The following GLRB variants were observed in gnomAD, a reference collection of about 807,000 sequenced individuals.
GLRB encodes glycine receptor subunit beta.
Under a neutral mutation model 54.2 loss-of-function variants are expected in GLRB, and 33 were observed. The ratio of observed to expected loss-of-function variants is 0.61; its 90% CI spans 0.46 to 0.81. The LOEUF (loss-of-function observed/expected upper bound fraction) is 0.81, where lower values mean the gene tolerates loss of function less well. GLRB is among the 40% of genes least tolerant of loss of function. The probability of loss-of-function intolerance (pLI) is 0.00; values close to 1 mark genes in which losing one functional copy is unlikely to be tolerated. For missense variants in GLRB, 572 were observed against 584.6 expected (o/e 0.98, Z 0.22); for synonymous variants, 209 against 208.2 (o/e 1.00, Z -0.03).
intron 2 of GLRB, chr4:157,084,790 G>A (rs1367251577): frequency 4.6e-6 from 2 of 431,092 alleles, no homozygotes; most frequent in South Asian, 3.3e-5. Context: ...TATTATATTA[G>A]CCATCTTCCT....
intron 2 of GLRB, among the ~76,000 whole-genome samples, chr4:157,091,208 A>G (rs1381574592): frequency 6.6e-6 from 1 of 152,184 alleles, no homozygotes; most frequent in Non-Finnish European, 1.5e-5. Flanking sequence ...GTGCAGCACA[A>G]TGATTTATGG....
intron 2 of GLRB, among the ~76,000 whole-genome samples, chr4:157,096,516 G>C (rs1003040495): frequency 6.6e-6 from 1 of 152,120 alleles, no homozygotes; most frequent in Admixed American, 6.6e-5. Flanking sequence ...TCCAAACAAT[G>C]GTCAAGAGGG....
At chr4:157,130,618 T>C (rs1736180012) in intron 4 of GLRB, among the ~76,000 whole-genome samples, 1 of 151,660 alleles carries the variant, frequency 6.6e-6, no homozygotes, top group Non-Finnish European at 1.5e-5. Context: ...TGTGTGAATG[T>C]ACCTACCAAA....
At chr4:157,170,410 T>C in intron 9 of GLRB, 22 bp from the exon 10 acceptor site, 1 of 1,452,594 alleles carries the variant, frequency 6.9e-7, no homozygotes, top group Non-Finnish European at 9.7e-7. Context: ...TTAAATACAT[T>C]GTCTTCAATA....
intron 4 of GLRB, among the ~76,000 whole-genome samples, chr4:157,122,839 A>G (rs2126535851): frequency 6.6e-6 from 1 of 151,834 alleles, no homozygotes; most frequent in South Asian, 2.1e-4. Context: ...AGAGCAGGGA[A>G]TTGTAAGAAG....
intron 2 of GLRB, among the ~76,000 whole-genome samples, chr4:157,101,894 A>G (rs1348954465): frequency 6.6e-6 from 1 of 151,378 alleles, no homozygotes; most frequent in Non-Finnish European, 1.5e-5. Flanking sequence ...AAGTTGAAAT[A>G]TTTAGAACTA....
intron 2 of GLRB, among the ~76,000 whole-genome samples, chr4:157,093,535 T>A (rs1734692607): frequency 1.3e-5 from 2 of 151,868 alleles, no homozygotes; most frequent in Non-Finnish European, 2.9e-5. Context: ...GATCAAGAGA[T>A]CACGAGGTCA....
In GLRB at chr4:157,170,519, G is replaced by T. The variant is rs1302907815; in HGVS notation, c.1285G>T (p.Asp429Tyr). 6 of 1,611,104 alleles carry T rather than the reference G, an allele frequency of 3.7e-6. No individual in the cohort carries two copies. Among genetic ancestry groups the T allele is most frequent in the Non-Finnish European group, 4.2e-6 (5 of 1,177,446 alleles). The change falls in exon 10 of 10, where the codon GAT (aspartate) becomes TAT (tyrosine). Residue 429 changes from aspartate (D) to tyrosine (Y), a missense_variant. Transcript: ENST00000264428. Reference sequence around the variant, plus strand: ...CAGCATTGTTGGAAGCTTACCAAGAGATTTTGAACTATCCAATTATGACTG... The same window carrying T: ...CAGCATTGTTGGAAGCTTACCAAGATATTTTGAACTATCCAATTATGACTG... The part of the protein sequence containing the change: ...DFSIVGSLPR[D>Y]FELSNYDCYG...
At chr4:157,148,992 T>A (rs1341034122) in intron 8 of GLRB, among the ~76,000 whole-genome samples, 2 of 151,952 alleles carry the variant, frequency 1.3e-5, no homozygotes, top group Non-Finnish European at 2.9e-5. Flanking sequence ...ATTATAATTT[T>A]ATCTAAAAAG....
rs181194666 is a variant in GLRB at position 157,097,459 on chromosome 4, C to A, written c.122+19313C>A. ...CCTAAGAATTGAACTATTATTCTTG[C>A]AATTTTAAGTATGAGAGATACAAGT... On this transcript the variant is annotated intron_variant, in intron 2 of 9. Coordinates refer to ENST00000264428, the MANE Select transcript of GLRB (RefSeq NM_000824.5). 2.6e-5 allele frequency among the ~76,000 whole-genome samples: 4 copies of A among 152,154 alleles called. No homozygotes were observed. In the East Asian group the frequency reaches 7.7e-4, roughly 29 times the overall value.
intron 2 of GLRB, among the ~76,000 whole-genome samples, chr4:157,105,011 T>G (rs1288345363): frequency 1.3e-5 from 2 of 151,736 alleles, no homozygotes; most frequent in African/African-American, 4.8e-5. Context: ...GAATTTTATT[T>G]AAAAATTTTT....
chr4:157,089,526 C>A (rs769341461), intron 2 of GLRB, among the ~76,000 whole-genome samples: 15 of 152,166 alleles, frequency 9.9e-5, no homozygotes, highest in Non-Finnish European at 2.1e-4. Flanking sequence ...AAACAATCTC[C>A]GATTTCACCC....
At chr4:157,122,004 A>G (rs956804425) in intron 3 of GLRB, among the ~76,000 whole-genome samples, 3 of 151,538 alleles carry the variant, frequency 2.0e-5, no homozygotes, top group East Asian at 1.9e-4. Context: ...GTAGTTCCTT[A>G]AAGTAAATGT....
At chr4:157,137,087 A>C (rs1736432259) in intron 6 of GLRB, among the ~76,000 whole-genome samples, 4 of 152,128 alleles carry the variant, frequency 2.6e-5, no homozygotes, top group Non-Finnish European at 5.9e-5. Context: ...TCATTTTTGT[A>C]CTAGCCTTGT....
At chr4:157,076,559 G>A (rs1257677902) in intron 1 of GLRB, 1 of 152,082 alleles carries the variant, frequency 6.6e-6, no homozygotes, top group Non-Finnish European at 1.5e-5. Context: ...GAGGGCCGGG[G>A]TAATTAGGAA....
intron 9 of GLRB, among the ~76,000 whole-genome samples, chr4:157,167,001 T>G (rs1185425584): frequency 6.6e-6 from 1 of 152,082 alleles, no homozygotes; most frequent in Non-Finnish European, 1.5e-5. Flanking sequence ...GTTTAGTTAT[T>G]TACAGATACT....
intron 4 of GLRB, among the ~76,000 whole-genome samples, chr4:157,131,366 CACTT>C (rs1233318168): frequency 2.0e-5 from 3 of 151,658 alleles, no homozygotes; most frequent in Admixed American, 6.6e-5. Context: ...ACAAAAATGT[CACTT>C]AGTAAATGAA....
rs1736414595 is a variant in GLRB, at chr4:157,136,681, T to C, written c.510T>C (p.Asp170=). Residue 170 remains aspartate, a synonymous_variant, in exon 5 of 10, where the codon GAT becomes GAC. Transcript: ENST00000264428. The part of the protein sequence containing the change: ...NILLFIFRDG[D]VLVSMRLSIT... ...TCCTCTTTATTTTTCGTGATGGAGA[T>C]GTCCTTGTCAGCATGAGGTACTCTT... is the stretch of plus-strand genomic sequence containing the variant. The C allele has an allele frequency of 6.2e-7, 1 of 1,604,006 alleles. No homozygotes were observed. The highest frequency in any genetic ancestry group is 1.3e-5 in the African/African-American group (1 of 74,872).
chr4:157,110,515 A>G (rs1385557897), intron 2 of GLRB, among the ~76,000 whole-genome samples: 1 of 152,020 alleles, frequency 6.6e-6, no homozygotes, highest in Non-Finnish European at 1.5e-5. Context: ...CTTTGTTGAA[A>G]TTCATACTTT....
Sources: gnomAD v4.1 joint callset for allele counts (sites outside exome capture counted in the v4.1 genomes callset) on GRCh38, gnomAD v4.1.1 for gene constraint, MANE v1.5 for transcripts, NCBI Gene and HGNC (gene_info 2026-07-23, HGNC 2026-07-21) for gene names.